Variants in MYO16 observed in about 807,000 individuals in gnomAD.
MYO16 encodes myosin XVI.
In MYO16, 94 loss-of-function variants were observed where a neutral mutation model predicts 205.3. That is an observed-to-expected ratio of 0.46 (90% CI 0.39 to 0.54). MYO16 has a LOEUF of 0.54. Ranked by LOEUF, MYO16 falls within the 20% of genes least tolerant of loss-of-function variation. MYO16 has a pLI of 0.00. For missense variants in MYO16, 2,315 were observed against 2,387.5 expected (o/e 0.97, Z 0.63); for synonymous variants, 988 against 954.0 (o/e 1.04, Z -0.66).
chr13:108,752,600 C>A (rs1885271217), intron 4 of MYO16, among the ~76,000 whole-genome samples: 1 of 150,508 alleles, frequency 6.6e-6, no homozygotes, highest in Non-Finnish European at 1.5e-5. Flanking sequence ...TGGAGATTTC[C>A]TTTTTGTTTT....
At chr13:109,071,897 G>A (rs916584385) in intron 27 of MYO16, among the ~76,000 whole-genome samples, 3 of 152,022 alleles carry the variant, frequency 2.0e-5, no homozygotes, top group African/African-American at 7.3e-5. Context: ...CCAACACACT[G>A]CCTGGCTAAG....
the MYO16 span, among the ~76,000 whole-genome samples, chr13:108,566,213 G>T: frequency 6.6e-6 from 1 of 151,892 alleles, no homozygotes; most frequent in African/African-American, 2.4e-5. Context: ...GCTTGTCATT[G>T]GTCTGTTCAG....
At chr13:108,750,217 A>C (rs1885188899) in intron 4 of MYO16, among the ~76,000 whole-genome samples, 1 of 152,234 alleles carries the variant, frequency 6.6e-6, no homozygotes, top group African/African-American at 2.4e-5. Context: ...GTGAACAAAA[A>C]AGAAACTTAT....
At chr13:108,657,711 C>A (rs955220681) in intron 1 of MYO16, among the ~76,000 whole-genome samples, 2 of 152,170 alleles carry the variant, frequency 1.3e-5, no homozygotes, top group African/African-American at 4.8e-5. Flanking sequence ...CGGACTATCA[C>A]TCCTAATAGC....
chr13:108,777,315 T>C (rs960969276), intron 4 of MYO16, among the ~76,000 whole-genome samples: 7 of 152,184 alleles, frequency 4.6e-5, no homozygotes, highest in African/African-American at 1.7e-4. Context: ...TTGAATAGGA[T>C]GCATTTAATA....
chr13:108,787,999 C>A (rs1886508347), intron 5 of MYO16, among the ~76,000 whole-genome samples: 1 of 152,118 alleles, frequency 6.6e-6, no homozygotes, highest in Non-Finnish European at 1.5e-5. Flanking sequence ...TCTATTGTGA[C>A]AGCATGGGCT....
intron 1 of MYO16, among the ~76,000 whole-genome samples, chr13:108,636,344 C>T (rs947447614): frequency 1.8e-3 from 166 of 93,486 alleles, no homozygotes; most frequent in African/African-American, 7.2e-3. Context: ...AAAAATATTT[C>T]CCTTTTTTTT....
chr13:108,669,944 G>T (rs1220288298), intron 2 of MYO16, among the ~76,000 whole-genome samples: 1 of 152,042 alleles, frequency 6.6e-6, no homozygotes, highest in Non-Finnish European at 1.5e-5. Context: ...GTAACGGGAG[G>T]GAGAGCATTA....
chr13:108,644,335 T>A (rs10162079), intron 1 of MYO16, among the ~76,000 whole-genome samples: 1 of 151,312 alleles, frequency 6.6e-6, no homozygotes, highest in African/African-American at 2.4e-5. Flanking sequence ...GGTTGGAGCA[T>A]TTATTCTACC....
the MYO16 span, among the ~76,000 whole-genome samples, chr13:108,551,088 T>A: frequency 6.6e-6 from 1 of 152,196 alleles, no homozygotes; most frequent in Admixed American, 6.5e-5. Context: ...CACATGCACA[T>A]TTTAATCTGT....
intron 1 of MYO16, among the ~76,000 whole-genome samples, chr13:108,618,306 T>G (rs570803742): frequency 3.9e-5 from 6 of 152,244 alleles, no homozygotes; most frequent in African/African-American, 1.2e-4. Context: ...ATGGAAGAGA[T>G]GCATGTAATT....
intron 1 of MYO16, among the ~76,000 whole-genome samples, chr13:108,654,955 G>A (rs1881176902): frequency 6.6e-6 from 1 of 152,224 alleles, no homozygotes; most frequent in African/African-American, 2.4e-5. Context: ...CCTGGGTGCT[G>A]TTAAAAGCAT....
At chr13:109,159,390 T>C (rs1878253021) in intron 32 of MYO16, among the ~76,000 whole-genome samples, 1 of 152,262 alleles carries the variant, frequency 6.6e-6, no homozygotes, top group Admixed American at 6.5e-5. Context: ...AATTTTCATT[T>C]AGTAAATGTG....
At chr13:108,928,743 T>G (rs1333036896) in intron 16 of MYO16, among the ~76,000 whole-genome samples, 2 of 152,206 alleles carry the variant, frequency 1.3e-5, no homozygotes, top group Non-Finnish European at 2.9e-5. Flanking sequence ...TCTTTTCAGC[T>G]TAAAATGCCT....
intron 16 of MYO16, among the ~76,000 whole-genome samples, chr13:108,937,956 T>C (rs1882564846): frequency 6.6e-6 from 1 of 152,196 alleles, no homozygotes; most frequent in Non-Finnish European, 1.5e-5. Context: ...ACATTCAGAT[T>C]TGTTGTGGTA....
At chr13:108,538,804 C>T in the MYO16 span, among the ~76,000 whole-genome samples, 405 of 152,174 alleles carry the variant, frequency 2.7e-3, 2 homozygotes, top group African/African-American at 9.0e-3. Context: ...AAAAAATTCT[C>T]ACATGGCACT....
chr13:109,141,324 G>A lies in MYO16; in HGVS notation c.5112G>A (p.Gly1704=), dbSNP rs775792346. 2 of 1,577,378 alleles carry A rather than the reference G, an allele frequency of 1.3e-6. No individual in the cohort carries two copies. Among genetic ancestry groups the A allele is most frequent in the Non-Finnish European group, 1.7e-6 (2 of 1,164,344 alleles). ...LDELASLFNS[G]RSVLRKSAAG... is the part of the protein sequence containing the mutation. ...AGCTCGCCAGCCTCTTCAACTCGGG[G>A]AGGAGTGTGCTTCGGAAATCCGCGG... The change falls in exon 32 of 35, where the codon GGG becomes GGA. Residue 1704 remains glycine, a synonymous_variant. Coordinates refer to ENST00000457511, the MANE Select transcript of MYO16 (RefSeq NM_001198950.3). This position sits in a 1 kb window ranked among gnomAD's most constrained non-coding sequence, Gnocchi z 4.1.
chr13:108,834,523 C>T (rs1365635741), intron 9 of MYO16, among the ~76,000 whole-genome samples: 1 of 151,670 alleles, frequency 6.6e-6, no homozygotes, highest in East Asian at 1.9e-4. Flanking sequence ...CAAAGTTGAG[C>T]TGAGAGAAGA....
intron 16 of MYO16, among the ~76,000 whole-genome samples, chr13:108,917,142 T>C (rs891385663): frequency 1.3e-5 from 2 of 152,148 alleles, no homozygotes; most frequent in East Asian, 3.9e-4. Flanking sequence ...ACTTTGTATG[T>C]GTTTTCTAAC....
Sources: allele counts gnomAD v4.1 joint callset (sites outside exome capture counted in the v4.1 genomes callset), GRCh38; gene constraint gnomAD v4.1.1; non-coding constraint Gnocchi (gnomAD v3.1); transcripts MANE v1.5; gene names NCBI Gene and HGNC (gene_info 2026-07-23, HGNC 2026-07-21).